FOXO3: variants seen among roughly 807,000 people sequenced by gnomAD.
The protein encoded by FOXO3 is forkhead box O3.
In FOXO3, 4 loss-of-function variants were observed where a neutral mutation model predicts 41.9. That is an observed-to-expected ratio of 0.10 (90% confidence interval 0.05 to 0.22). The LOEUF is 0.22. Ranked by LOEUF, FOXO3 falls within the 10% of genes least tolerant of loss-of-function variation. FOXO3 has a pLI of 1.00. For missense variants in FOXO3, 534 were observed against 906.8 expected (o/e 0.59, Z 5.28); for synonymous variants, 318 against 389.3 (o/e 0.82, Z 2.16).
chr6:108,676,531 A>G (rs1582842654), intron 2 of FOXO3, among the ~76,000 whole-genome samples: 1 of 152,190 alleles, frequency 6.6e-6, no homozygotes, highest in South Asian at 2.1e-4. Flanking sequence ...ATGAGCCGCC[A>G]TGCCTGGCCC....
intron 2 of FOXO3, among the ~76,000 whole-genome samples, chr6:108,669,218 T>A (rs1388731980): frequency 1.3e-5 from 2 of 152,204 alleles, no homozygotes; most frequent in Non-Finnish European, 2.9e-5. Flanking sequence ...AAAGAAATAG[T>A]GGTGTACTAG....
At chr6:108,673,822 C>A (rs769249010) in intron 2 of FOXO3, among the ~76,000 whole-genome samples, 61 of 152,154 alleles carry the variant, frequency 4.0e-4, no homozygotes, top group Admixed American at 1.6e-3. Flanking sequence ...TCACACCCAG[C>A]AAACATAAAC....
intron 2 of FOXO3, among the ~76,000 whole-genome samples, chr6:108,676,614 C>T (rs1028031883): frequency 1.3e-5 from 2 of 152,148 alleles, no homozygotes; most frequent in African/African-American, 2.4e-5. Context: ...ACTAAATAAC[C>T]GTATAACTAA....
chr6:108,644,424 G>T (rs1778340457), intron 1 of FOXO3, among the ~76,000 whole-genome samples: 1 of 152,146 alleles, frequency 6.6e-6, no homozygotes, highest in African/African-American at 2.4e-5. Flanking sequence ...TGATACTGCT[G>T]TTGCCAAGGC....
intron 1 of FOXO3, among the ~76,000 whole-genome samples, chr6:108,617,136 A>G (rs1048129894): frequency 3.3e-5 from 5 of 152,166 alleles, no homozygotes; most frequent in Admixed American, 6.5e-5. Context: ...GTCTTTGGGT[A>G]TATGCCTAGG....
At chr6:108,647,920 A>G (rs868161880) in intron 1 of FOXO3, among the ~76,000 whole-genome samples, 1 of 152,182 alleles carries the variant, frequency 6.6e-6, no homozygotes, top group African/African-American at 2.4e-5. Context: ...TTCACAGGCA[A>G]TGCCTAGTCC....
rs1778712911 is a variant in FOXO3, at chr6:108,657,193, C to T, written c.622-6262C>T. Among the ~76,000 whole-genome samples, 5 of 152,302 alleles carry T rather than the reference C, an allele frequency of 3.3e-5. No individual in the cohort carries two copies. In the South Asian group the frequency reaches 1.0e-3, roughly 32 times the overall value. On this transcript the variant is annotated intron_variant, in intron 1 of 2. Transcript: ENST00000406360. ...TAAAGAGTATTCTTACCACTGCACT[C>T]TCTTTAGACACATTGTGATAGAGGT...
At chr6:108,666,381 G>T (rs1779061572) in intron 2 of FOXO3, among the ~76,000 whole-genome samples, 1 of 151,698 alleles carries the variant, frequency 6.6e-6, no homozygotes, top group Non-Finnish European at 1.5e-5. Context: ...TGTCTCCCAG[G>T]CTGGAGTACA....
rs147801485 is a variant in FOXO3, at chr6:108,654,626, C to G, written c.622-8829C>G. ...AACTTAAATGTTAGTTTCCAAAGGC[C>G]ATCTCTGTGGGTAGAGGGTTATCGT... is the stretch of plus-strand genomic sequence containing the variant. On this transcript the variant is annotated intron_variant, in intron 1 of 2. Coordinates refer to ENST00000406360, the MANE Select transcript of FOXO3 (RefSeq NM_001455.4). Among the ~76,000 whole-genome samples the G allele has an allele frequency of 3.1e-3, 471 of 152,278 alleles. 3 individuals carry two copies. The highest frequency in any genetic ancestry group is 4.4e-3 in the Non-Finnish European group (301 of 68,030).
intron 2 of FOXO3, among the ~76,000 whole-genome samples, chr6:108,668,238 G>T (rs1779114185): frequency 6.6e-6 from 1 of 152,240 alleles, no homozygotes; most frequent in Non-Finnish European, 1.5e-5. Context: ...TTGACAGGCA[G>T]TCTTGCTGGG....
intron 2 of FOXO3, among the ~76,000 whole-genome samples, chr6:108,677,231 C>A (rs1414263836): frequency 6.6e-6 from 1 of 152,218 alleles, no homozygotes; most frequent in Non-Finnish European, 1.5e-5. Flanking sequence ...GTGATTCACA[C>A]ATCTCGTTTT....
intron 1 of FOXO3, among the ~76,000 whole-genome samples, chr6:108,656,752 C>T (rs1778700125): frequency 6.6e-6 from 1 of 152,208 alleles, no homozygotes; most frequent in African/African-American, 2.4e-5. Flanking sequence ...TTTCAGGAAG[C>T]TTCTCTCTCA....
At chr6:108,599,874 A>G (rs1409730947) in intron 1 of FOXO3, among the ~76,000 whole-genome samples, 1 of 152,220 alleles carries the variant, frequency 6.6e-6, no homozygotes, top group East Asian at 1.9e-4. Context: ...ATTTCCTTCC[A>G]GAATAGAACC....
intron 2 of FOXO3, among the ~76,000 whole-genome samples, chr6:108,676,130 A>G (rs754185444): frequency 6.6e-6 from 1 of 152,130 alleles, no homozygotes; most frequent in Non-Finnish European, 1.5e-5. Flanking sequence ...TGGTCTCCCC[A>G]TTTCATTTTC....
chr6:108,565,251 A>C (rs1277397685), intron 1 of FOXO3, among the ~76,000 whole-genome samples: 5 of 152,228 alleles, frequency 3.3e-5, no homozygotes, highest in Non-Finnish European at 7.3e-5. Context: ...TAACAAAAAG[A>C]GGAAGCCCTT....
At chr6:108,585,509 A>G (rs17532496) in intron 1 of FOXO3, among the ~76,000 whole-genome samples, 5,479 of 152,276 alleles carry the variant, frequency 0.036, 135 homozygotes, top group Middle Eastern at 0.095. Context: ...CCAGCTGTGC[A>G]TTATTGAGAT....
chr6:108,560,374 C>T (rs946770875), upstream of FOXO3, among the ~76,000 whole-genome samples: 4 of 152,216 alleles, frequency 2.6e-5, no homozygotes, highest in Admixed American at 6.5e-5. Context: ...CCGAAGTGGC[C>T]GTCCCCGCCG....
intron 1 of FOXO3, among the ~76,000 whole-genome samples, chr6:108,585,960 C>T (rs535100887): frequency 9.9e-5 from 15 of 152,260 alleles, no homozygotes; most frequent in African/African-American, 2.4e-4. Context: ...TGCCTAAGGT[C>T]GGCTTCTACC....
chr6:108,592,435 C>T (rs1776754234), intron 1 of FOXO3, among the ~76,000 whole-genome samples: 1 of 152,174 alleles, frequency 6.6e-6, no homozygotes, highest in African/African-American at 2.4e-5. Context: ...TCTTCAGTTA[C>T]TCCTTTATTC....
Sources: allele counts gnomAD v4.1 joint callset (sites outside exome capture counted in the v4.1 genomes callset), GRCh38; gene constraint gnomAD v4.1.1; transcripts MANE v1.5; gene names NCBI Gene and HGNC (gene_info 2026-07-23, HGNC 2026-07-21).